Variants in SYCP2 observed in about 807,000 individuals in gnomAD.
SYCP2 encodes synaptonemal complex lateral element protein.
A neutral mutation model predicts 211.3 loss-of-function variants in SYCP2; 55 were observed. The observed-to-expected ratio is 0.26, with a 90% confidence interval of 0.21 to 0.33. The LOEUF is 0.33. Among genes scored for constraint, SYCP2 ranks in the 10% least tolerant of loss-of-function variants. The pLI is 1.00. For synonymous variants in SYCP2, 570 were observed against 555.2 expected (o/e 1.03, Z -0.37); for missense variants, 1,731 against 1,752.0 (o/e 0.99, Z 0.21).
At position 59,864,181 on chromosome 20, in the gene SYCP2, T is replaced by G. The variant is rs1477080584; in HGVS notation, c.*130A>C. 4 of 572,154 alleles carry G rather than the reference T, an allele frequency of 7.0e-6. No homozygotes were observed. Among genetic ancestry groups the G allele is most frequent in the Non-Finnish European group, 1.2e-5 (4 of 342,560 alleles). The allele number at this position is 572,154 out of a possible 1,614,324, so 35.4% of individuals were successfully genotyped here. A position where few individuals can be genotyped will look rare whatever the true frequency, so the allele number is the denominator to read the frequency against. On this transcript the variant is annotated 3_prime_UTR_variant, in exon 45 of 45. Transcript: ENST00000357552. ...CATTAAAAGACATTTTTTTTTAATTTGAGGGTTCCTATAAAGGGTACACTT... is the reference window on the plus strand; with the variant it reads ...CATTAAAAGACATTTTTTTTTAATTGGAGGGTTCCTATAAAGGGTACACTT...
intron 28 of SYCP2, among the ~76,000 whole-genome samples, 161 bp from the exon 29 acceptor site, chr20:59,881,653 T>TA (rs2059683917): frequency 6.6e-6 from 1 of 150,474 alleles, no homozygotes; most frequent in African/African-American, 2.4e-5. Context: ...TACAATACAC[T>TA]AAAAATAGAA....
intron 18 of SYCP2, among the ~76,000 whole-genome samples, chr20:59,899,205 T>C (rs906537400): frequency 2.0e-5 from 3 of 151,948 alleles, no homozygotes; most frequent in African/African-American, 4.8e-5. Flanking sequence ...ACAGATACTA[T>C]GAAAGAATAA....
intron 26 of SYCP2, among the ~76,000 whole-genome samples, chr20:59,884,311 A>G (rs1568928778): frequency 6.6e-6 from 1 of 151,966 alleles, no homozygotes; most frequent in Non-Finnish European, 1.5e-5. Context: ...TATTGTTAGG[A>G]AAAAAATATG....
intron 28 of SYCP2, among the ~76,000 whole-genome samples, chr20:59,881,733 T>C (rs1181166774): frequency 6.6e-6 from 1 of 150,610 alleles, no homozygotes. Context: ...CACAATTGCT[T>C]GTTTTTCTCT....
chr20:59,875,562 T>C (rs1385176392), intron 33 of SYCP2, 93 bp from the exon 34 acceptor site: 1 of 959,878 alleles, frequency 1.0e-6, no homozygotes, highest in African/African-American at 1.7e-5. Context: ...TTATTAAATG[T>C]TGTATATTAC....
At chr20:59,919,258 A>ATTG (rs1353572414) in intron 6 of SYCP2, 76 bp from the exon 7 acceptor site, 1 of 794,766 alleles carries the variant, frequency 1.3e-6, no homozygotes, top group Non-Finnish European at 2.1e-6. Context: ...AAACCATTAC[A>ATTG]AATGGTATTG....
chr20:59,885,937 T>A lies in SYCP2; in HGVS notation c.2520A>T (p.Gln840His). 1 of 1,600,086 alleles carries A rather than the reference T, an allele frequency of 6.2e-7. No individual in the cohort carries two copies. The highest frequency in any genetic ancestry group is 8.5e-7 in the Non-Finnish European group (1 of 1,174,756). The change falls in exon 26 of 45, where the codon CAA (glutamine) becomes CAT (histidine). Residue 840 changes from glutamine to histidine, a missense_variant. By Grantham distance (24) the Gln-to-His change is conservative (BLOSUM62 0). Around this residue, in one of 3 missense-constraint regions of SYCP2, gnomAD observed 1,387 missense variants for 1,351.3 expected, o/e 1.03. Transcript: ENST00000357552. ...NSGFSNKPVVQLSKEKVQKKS... is the reference protein window; with the variant it reads ...NSGFSNKPVVHLSKEKVQKKS... Reference sequence around the variant, plus strand: ...AGTAAATAACACCTACCTTACTGAGTTGTACAACAGGTTTGTTTGAAAAAC... The same window carrying A: ...AGTAAATAACACCTACCTTACTGAGATGTACAACAGGTTTGTTTGAAAAAC...
intron 35 of SYCP2, among the ~76,000 whole-genome samples, chr20:59,873,001 C>T (rs1001079497): frequency 5.9e-5 from 9 of 152,040 alleles, no homozygotes; most frequent in African/African-American, 1.9e-4. Context: ...AAAAGAAATT[C>T]TTCATTCTTC....
At position 59,875,311 on chromosome 20, in the gene SYCP2, T is replaced by A; in HGVS notation, c.3309A>T (p.Arg1103Ser). The A allele has an allele frequency of 1.2e-6, 2 of 1,611,444 alleles. No homozygotes were observed. Among genetic ancestry groups the A allele is most frequent in the South Asian group, 2.2e-5 (2 of 90,786 alleles). The change falls in exon 34 of 45, where the codon AGA becomes AGT. Residue 1103 changes from arginine (R) to serine (S), a missense_variant. By Grantham distance (110) the Arg-to-Ser change is moderately radical. Transcript: ENST00000357552. ...TAGATGATGGACTGCCAGATAAAGA[T>A]CTGGGAGATAAGTCAAGGCAATTAT... ...IRDNCLDLSP[R>S]SLSGSPSSIE...
At chr20:59,920,540 T>C (rs1466882141) in intron 4 of SYCP2, 53 bp from the exon 5 acceptor site, 2 of 1,388,666 alleles carry the variant, frequency 1.4e-6, no homozygotes, top group African/African-American at 1.4e-5. Context: ...CAGTATGAAA[T>C]AGACATTGTA....
At chr20:59,921,992 T>G (rs1038925813) in intron 3 of SYCP2, among the ~76,000 whole-genome samples, 3 of 151,664 alleles carry the variant, frequency 2.0e-5, no homozygotes, top group Non-Finnish European at 3.0e-5. Context: ...ATGTTCATAC[T>G]ACAACCTGAT....
chr20:59,889,809 C>T (rs1393822776), intron 24 of SYCP2, among the ~76,000 whole-genome samples: 1 of 151,898 alleles, frequency 6.6e-6, no homozygotes, highest in East Asian at 1.9e-4. Context: ...TGGGGTGATC[C>T]AATAAGTAGA....
At chr20:59,904,035 G>A (rs572868817) in intron 15 of SYCP2, among the ~76,000 whole-genome samples, 1 of 152,276 alleles carries the variant, frequency 6.6e-6, no homozygotes, top group Non-Finnish European at 1.5e-5. Context: ...GGCTTAAGAA[G>A]AGAACCTCTG....
rs1310011372 is a variant in SYCP2, at chr20:59,914,222, C to T, written c.664G>A (p.Ala222Thr). The T allele has an allele frequency of 3.8e-6, 6 of 1,595,838 alleles. No individual in the cohort carries two copies. The highest frequency in any genetic ancestry group is 5.1e-6 in the Non-Finnish European group (6 of 1,167,698). ...DYDLQVGIVE[A>T]LCRMTTEKQR... ...TTTTCTGTGGTCATTCTACACAAAG[C>T]TTCTACAATGCCTACCTGTAAGTCA... Residue 222 changes from alanine to threonine, a missense_variant, in exon 11 of 45, where the codon GCT becomes ACT. Physicochemically the swap from Ala to Thr is moderately conservative, Grantham distance 58. Coordinates refer to ENST00000357552, the MANE Select transcript of SYCP2 (RefSeq NM_014258.4).
At chr20:59,913,669 A>T (rs747246673) in intron 12 of SYCP2, among the ~76,000 whole-genome samples, 3 of 152,090 alleles carry the variant, frequency 2.0e-5, no homozygotes, top group Non-Finnish European at 4.4e-5. Context: ...TGGATATGCA[A>T]CTCAGAAGTA....
At chr20:59,924,113 C>T (rs1716145161) in intron 2 of SYCP2, among the ~76,000 whole-genome samples, 1 of 151,872 alleles carries the variant, frequency 6.6e-6, no homozygotes, top group Non-Finnish European at 1.5e-5. Context: ...GATGTCCTCT[C>T]TATACCAAAA....
intron 14 of SYCP2, 126 bp downstream of exon 14, chr20:59,911,624 T>C: frequency 2.4e-6 from 1 of 414,940 alleles, no homozygotes; most frequent in Non-Finnish European, 4.3e-6. Flanking sequence ...ATCAAACTAC[T>C]AGAGCTAATA....
intron 14 of SYCP2, among the ~76,000 whole-genome samples, chr20:59,908,994 C>T (rs763128780): frequency 4.6e-5 from 7 of 152,174 alleles, no homozygotes; most frequent in Non-Finnish European, 8.8e-5. Flanking sequence ...TGAAACTGCT[C>T]TTTCATGGGT....
Position 59,864,283 on chromosome 20 carries a change from G to GATAAAGTATGGTGATA in SYCP2, c.*12_*27dup, listed in dbSNP as rs779038211. ...AGTTATATACAGAGAATAATAATTA[G>GATAAAGTATGGTGATA]ATAAAGTATGGTGATAAAAACTAGA... is the stretch of plus-strand genomic sequence containing the variant. On this transcript the variant is annotated 3_prime_UTR_variant, in exon 45 of 45. Transcript: ENST00000357552. 1 of 1,439,106 alleles carries GATAAAGTATGGTGATA rather than the reference G, an allele frequency of 6.9e-7. No homozygotes were observed. Among genetic ancestry groups the GATAAAGTATGGTGATA allele is most frequent in the Non-Finnish European group, 9.6e-7 (1 of 1,038,076 alleles). The allele number at this position is 1,439,106 out of a possible 1,614,324, so 89.1% of individuals were successfully genotyped here.
Sources: gnomAD v4.1 joint callset for allele counts (sites outside exome capture counted in the v4.1 genomes callset) on GRCh38, gnomAD v4.1.1 for gene constraint, gnomAD v4.1.1 regional missense constraint, MANE v1.5 for transcripts, NCBI Gene and HGNC (gene_info 2026-07-23, HGNC 2026-07-21) for gene names.